Variants in KNSTRN observed in about 807,000 individuals in gnomAD.
The protein encoded by KNSTRN is kinetochore localized astrin (SPAG5) binding protein.
In KNSTRN, 38 loss-of-function variants were observed where a neutral mutation model predicts 44.7. The observed-to-expected ratio is 0.85, with a 90% CI of 0.66 to 1.11. The LOEUF (loss-of-function observed/expected upper bound fraction) is 1.11. KNSTRN is among the 50% of genes most tolerant of loss of function. The probability of loss-of-function intolerance (pLI) is 0.00; values close to 1 mark genes in which losing one functional copy is unlikely to be tolerated. For missense variants in KNSTRN, 406 were observed against 375.8 expected (o/e 1.08, Z -0.66); for synonymous variants, 158 against 148.1 (o/e 1.07, Z -0.48).
rs950548348 is a variant in KNSTRN at position 40,389,544 on chromosome 15, T to C, written c.524T>C (p.Leu175Pro). The change falls in exon 5 of 9, where the codon CTC becomes CCC. Residue 175 changes from leucine (L) to proline (P), a missense_variant. Leu to Pro is a moderately conservative substitution (Grantham distance 98). Coordinates refer to ENST00000249776, the MANE Select transcript of KNSTRN (RefSeq NM_033286.4). ...AGTAAGCAAAAATCAGAGGAAGAGCTCAAGGACAAGAACCAGCTGTTAGAA... is the reference window on the plus strand; with the variant it reads ...AGTAAGCAAAAATCAGAGGAAGAGCCCAAGGACAAGAACCAGCTGTTAGAA... ...PLSKQKSEEE[L>P]KDKNQLLEAV... 7 of 1,613,856 alleles carry C rather than the reference T, an allele frequency of 4.3e-6. No individual in the cohort carries two copies. Among genetic ancestry groups the C allele is most frequent in the Admixed American group, 3.3e-5 (2 of 59,974 alleles).
At chr15:40,391,024 G>T (rs1316342559) in intron 6 of KNSTRN, among the ~76,000 whole-genome samples, 1 of 151,958 alleles carries the variant, frequency 6.6e-6, no homozygotes, top group Non-Finnish European at 1.5e-5. Flanking sequence ...CCAACTCCTG[G>T]GCTCAAGCAA....
At position 40,393,246 on chromosome 15, in the gene KNSTRN, C is replaced by T. The variant is rs376425558; in HGVS notation, c.823-223C>T. On this transcript the variant is annotated intron_variant, in intron 8 of 8. Coordinates refer to ENST00000249776, the MANE Select transcript of KNSTRN (RefSeq NM_033286.4). Reference sequence around the variant, plus strand: ...ACCAAATGTAGAGGATTTCATCGTTCCAGTTTAGATACAGGAGTCTAGTCC... The same window carrying T: ...ACCAAATGTAGAGGATTTCATCGTTTCAGTTTAGATACAGGAGTCTAGTCC... The T allele has an allele frequency of 1.9e-6, 3 of 1,613,684 alleles. No homozygotes were observed. In the Admixed American group the frequency reaches 5.0e-5, roughly 27 times the overall value.
intron 8 of KNSTRN, among the ~76,000 whole-genome samples, chr15:40,392,820 AG>A (rs146167647): frequency 0.088 from 13,440 of 152,160 alleles, 820 homozygotes; most frequent in Non-Finnish European, 0.13. Context: ...TGTGTTGGCC[AG>A]GCTGGTTTCG....
At chr15:40,387,296 T>C (rs1889919293) in intron 4 of KNSTRN, 90 bp downstream of exon 4, 1 of 1,095,064 alleles carries the variant, frequency 9.1e-7, no homozygotes, top group African/African-American at 1.5e-5. Flanking sequence ...GTGGGACTTG[T>C]TTACTGTGTT....
intron 4 of KNSTRN, chr15:40,389,087 C>T: frequency 2.3e-6 from 1 of 436,114 alleles, no homozygotes. Flanking sequence ...AGGTCATATA[C>T]CACTGTGTAA....
At chr15:40,393,153 C>T in intron 8 of KNSTRN, 1 of 1,606,082 alleles carries the variant, frequency 6.2e-7, no homozygotes, top group Non-Finnish European at 8.5e-7. Flanking sequence ...AAGGAGAAGA[C>T]CTGTAGTAAG....
Position 40,382,859 on chromosome 15 carries a change from C to T in KNSTRN, c.24C>T (p.Pro8=), listed in dbSNP as rs750790305. The change falls in exon 1 of 9, where the codon CCC becomes CCT. Residue 8 remains proline (P), a synonymous_variant. Transcript: ENST00000249776. MAAPEAP[P]LDRVFRTTWL... ...GTATGGCGGCTCCCGAAGCCCCGCC[C>T]CTGGACAGAGTTTTCCGTACAACAT... 2 of 1,611,960 alleles carry T rather than the reference C, an allele frequency of 1.2e-6. No individual in the cohort carries two copies. Among genetic ancestry groups the T allele is most frequent in the South Asian group, 1.1e-5 (1 of 90,976 alleles).
rs761096365 is a variant in KNSTRN at position 40,393,507 on chromosome 15, C to A, written c.861C>A (p.Val287=). Residue 287 remains valine, a synonymous_variant, in exon 9 of 9, where the codon GTC becomes GTA. Coordinates refer to ENST00000249776, the MANE Select transcript of KNSTRN (RefSeq NM_033286.4). ...KVKLEMKEER[V]RFLEQQTLCN... ...AGCTGGAGATGAAAGAGGAAAGAGT[C>A]CGATTCCTAGAACAGCAAACCTTAT... 1.9e-6 allele frequency: 3 copies of A among 1,613,980 alleles called. No homozygotes were observed. The highest frequency in any genetic ancestry group is 4.5e-5 in the East Asian group (2 of 44,868).
rs1889903378 is a variant in KNSTRN at position 40,386,421 on chromosome 15, G to A, written c.364G>A (p.Val122Ile). ...ACCTGTTAGGTCCAAAGAAGTCGAT[G>A]TTTCCAAACAGCTTCATTCAGGAGG... Reference protein sequence around the residue: ...LLPVRSKEVDVSKQLHSGGPE... With the variant: ...LLPVRSKEVDISKQLHSGGPE... Residue 122 changes from valine to isoleucine, a missense_variant, in exon 3 of 9, where the codon GTT (valine) becomes ATT (isoleucine). Transcript: ENST00000249776. The A allele has an allele frequency of 6.2e-7, 1 of 1,614,000 alleles. No individual in the cohort carries two copies. Among genetic ancestry groups the A allele is most frequent in the African/African-American group, 1.3e-5 (1 of 74,902 alleles).
rs1365985879 is a variant in KNSTRN, at chr15:40,388,482, C to T, written c.486-1024C>T. Among the ~76,000 whole-genome samples, 3 of 152,070 alleles carry T rather than the reference C, an allele frequency of 2.0e-5. No individual in the cohort carries two copies. In the East Asian group the frequency reaches 5.8e-4, roughly 29 times the overall value. On this transcript the variant is annotated intron_variant, in intron 4 of 8. Transcript: ENST00000249776. Reference sequence around the variant, plus strand: ...TTGGGAGGCCGAGGCGGGTGGATCTCAAGGTCAGGAGACCATCCTGGTTAA... The same window carrying T: ...TTGGGAGGCCGAGGCGGGTGGATCTTAAGGTCAGGAGACCATCCTGGTTAA...
At chr15:40,387,998 ACT>A (rs1889930520) in intron 4 of KNSTRN, among the ~76,000 whole-genome samples, 1 of 152,144 alleles carries the variant, frequency 6.6e-6, no homozygotes, top group African/African-American at 2.4e-5. Flanking sequence ...ACAGAGCAAG[ACT>A]CTGACTTACA....
chr15:40,385,424 G>A (rs1375170727), intron 2 of KNSTRN, among the ~76,000 whole-genome samples: 1 of 152,170 alleles, frequency 6.6e-6, no homozygotes, highest in African/African-American at 2.4e-5. Context: ...CTTAACAAAG[G>A]GTAAACAAAA....
intron 4 of KNSTRN, among the ~76,000 whole-genome samples, chr15:40,388,453 G>A (rs190307757): frequency 3.9e-5 from 6 of 152,232 alleles, no homozygotes; most frequent in African/African-American, 1.4e-4. Flanking sequence ...GTAATCCCAG[G>A]ATTTTGGGAG....
rs1358860280 is a variant in KNSTRN, at chr15:40,387,162, A to C, written c.441A>C (p.Gln147His). 2 of 1,612,514 alleles carry C rather than the reference A, an allele frequency of 1.2e-6. No individual in the cohort carries two copies. The highest frequency in any genetic ancestry group is 4.5e-5 in the East Asian group (2 of 44,882). Residue 147 changes from glutamine (Q) to histidine (H), a missense_variant, in exon 4 of 9, where the codon CAA (glutamine) becomes CAC (histidine). Physicochemically the swap from Gln to His is conservative, Grantham distance 24. Transcript: ENST00000249776. ...TTCTTTGTTTCTGCCCTCCTAGGCA[A>C]ATGAAAGCTACTGACACTGCCACCA... ...KITKLRRENGQMKATDTATRR... is the reference protein window; with the variant it reads ...KITKLRRENGHMKATDTATRR...
intron 6 of KNSTRN, among the ~76,000 whole-genome samples, 184 bp downstream of exon 6, chr15:40,390,113 G>A (rs890522753): frequency 2.0e-5 from 3 of 152,198 alleles, no homozygotes; most frequent in Non-Finnish European, 4.4e-5. Context: ...CTGGCCAATA[G>A]GATTTCAGAT....
At position 40,394,189 on chromosome 15, in the gene KNSTRN, A is replaced by C. The variant is rs1890050755; in HGVS notation, c.*592A>C. On this transcript the variant is annotated 3_prime_UTR_variant, in exon 9 of 9. Coordinates refer to ENST00000249776, the MANE Select transcript of KNSTRN (RefSeq NM_033286.4). ...TGAAACAATACACCTTGGATCTTTTAATCTAAATTACTTTTCTTTTTTAAG... is the reference window on the plus strand; with the variant it reads ...TGAAACAATACACCTTGGATCTTTTCATCTAAATTACTTTTCTTTTTTAAG... 6.6e-6 allele frequency: 1 copy of C among 152,182 alleles called. No individual in the cohort carries two copies. Among genetic ancestry groups the C allele is most frequent in the African/African-American group, 2.4e-5 (1 of 41,444 alleles). The allele number at this position is 152,182 out of a possible 1,614,324, so 9.4% of individuals were successfully genotyped here.
chr15:40,388,183 G>A (rs2141274155), intron 4 of KNSTRN, among the ~76,000 whole-genome samples: 1 of 152,148 alleles, frequency 6.6e-6, no homozygotes, highest in African/African-American at 2.4e-5. Flanking sequence ...GGGAAATCAG[G>A]GGTCTCACAG....
At chr15:40,386,528 T>C (rs984565137) in intron 3 of KNSTRN, 34 bp downstream of exon 3, 2 of 1,605,414 alleles carry the variant, frequency 1.2e-6, no homozygotes, top group African/African-American at 2.7e-5. Flanking sequence ...AGTTAGAACA[T>C]CTTCCTAGAA....
intron 4 of KNSTRN, among the ~76,000 whole-genome samples, chr15:40,388,430 G>A (rs1179378523): frequency 6.6e-6 from 1 of 152,240 alleles, no homozygotes; most frequent in Non-Finnish European, 1.5e-5. Flanking sequence ...GGCCGGCGCA[G>A]TGGCTCACGC....
Sources: allele counts gnomAD v4.1 joint callset (sites outside exome capture counted in the v4.1 genomes callset), GRCh38; gene constraint gnomAD v4.1.1; transcripts MANE v1.5; gene names NCBI Gene and HGNC (gene_info 2026-07-23, HGNC 2026-07-21).